PKD2L1: variants seen among roughly 807,000 people sequenced by gnomAD.
The protein encoded by PKD2L1 is polycystin-2-like protein 1.
In PKD2L1, 77 loss-of-function variants were observed where a neutral mutation model predicts 93.0. That is an observed-to-expected ratio of 0.83 (90% confidence interval 0.69 to 1.00). The LOEUF (loss-of-function observed/expected upper bound fraction) is 1.00. PKD2L1 is among the 50% of genes least tolerant of loss of function. PKD2L1 has a pLI of 0.00. For synonymous variants in PKD2L1, 390 were observed against 388.0 expected (o/e 1.01, Z -0.06); for missense variants, 977 against 990.9 (o/e 0.99, Z 0.19).
At chr10:100,320,717 C>A (rs1427899143) in intron 2 of PKD2L1, among the ~76,000 whole-genome samples, 1 of 152,180 alleles carries the variant, frequency 6.6e-6, no homozygotes, top group Non-Finnish European at 1.5e-5. Flanking sequence ...GTGAGTTGTA[C>A]CATCTTATAC....
intron 13 of PKD2L1, 116 bp downstream of exon 13, chr10:100,290,285 C>G: frequency 7.9e-7 from 1 of 1,261,744 alleles, no homozygotes; most frequent in Middle Eastern, 1.9e-4. Context: ...TAAAGGGGAG[C>G]GGAGGTTCTC....
chr10:100,302,124 T>C (rs1036790852), intron 2 of PKD2L1, among the ~76,000 whole-genome samples: 3 of 152,184 alleles, frequency 2.0e-5, no homozygotes, highest in African/African-American at 7.2e-5. Flanking sequence ...CATGAGCCAC[T>C]GCACCGGCCT....
At chr10:100,302,824 G>A (rs905944817) in intron 2 of PKD2L1, among the ~76,000 whole-genome samples, 9 of 152,168 alleles carry the variant, frequency 5.9e-5, no homozygotes, top group Admixed American at 1.3e-4. Flanking sequence ...TTGCTATAAA[G>A]GCTGTCAGTG....
Position 100,297,496 on chromosome 10 carries a change from C to T in PKD2L1, c.842G>A (p.Ser281Asn). Residue 281 changes from serine to asparagine, a missense_variant, in exon 5 of 16, where the codon AGT becomes AAT. Physicochemically the swap from Ser to Asn is conservative, Grantham distance 46. Coordinates refer to ENST00000318222, the MANE Select transcript of PKD2L1 (RefSeq NM_016112.3). ...YLDLPGSRQG[S>N]AEALRALQEG... ...CTGAAGGGCCCGGAGAGCCTCTGCACTACCCTGTCGGGATCCTGGAAGGTC... is the reference window on the plus strand; with the variant it reads ...CTGAAGGGCCCGGAGAGCCTCTGCATTACCCTGTCGGGATCCTGGAAGGTC... The T allele has an allele frequency of 6.2e-7, 1 of 1,614,206 alleles. No individual in the cohort carries two copies. The highest frequency in any genetic ancestry group is 8.5e-7 in the Non-Finnish European group (1 of 1,180,030).
At chr10:100,321,980 C>T (rs960228840) in intron 2 of PKD2L1, among the ~76,000 whole-genome samples, 5 of 151,106 alleles carry the variant, frequency 3.3e-5, no homozygotes, top group Admixed American at 6.6e-5. Flanking sequence ...CAGTGGCTCA[C>T]GCCTGTAATC....
At chr10:100,315,028 A>G (rs1849060317) in intron 2 of PKD2L1, among the ~76,000 whole-genome samples, 2 of 10,790 alleles carry the variant, frequency 1.9e-4, no homozygotes, top group African/African-American at 1.3e-3. Context: ...AGGGAAGGGA[A>G]GGGAAGGGAA....
intron 2 of PKD2L1, among the ~76,000 whole-genome samples, chr10:100,316,022 G>T (rs991910608): frequency 2.0e-5 from 3 of 152,170 alleles, no homozygotes; most frequent in African/African-American, 7.2e-5. Context: ...GGACCTTCAA[G>T]ATTTCCCAGC....
chr10:100,326,341 G>T (rs1443951975), intron 2 of PKD2L1, among the ~76,000 whole-genome samples: 1 of 152,132 alleles, frequency 6.6e-6, no homozygotes, highest in Admixed American at 6.5e-5. Flanking sequence ...CTCTGCTCCA[G>T]CCACGTTGAT....
At position 100,330,211 on chromosome 10, in the gene PKD2L1, G is replaced by T; in HGVS notation, c.-108C>A. ...GCCAGCAGAGAGCAAATGGAAAGGC[G>T]TCTGAGAGCAGCTGTTTCCACACAG... On this transcript the variant is annotated 5_prime_UTR_variant, in exon 1 of 16. Transcript: ENST00000318222. 3.1e-6 allele frequency: 2 copies of T among 646,138 alleles called. No homozygotes were observed. The highest frequency in any genetic ancestry group is 2.6e-6 in the Non-Finnish European group (1 of 380,698). The allele number at this position is 646,138 out of a possible 1,614,324, so 40.0% of individuals were successfully genotyped here.
intron 2 of PKD2L1, among the ~76,000 whole-genome samples, chr10:100,322,182 C>T (rs370420396): frequency 1.2e-3 from 179 of 152,072 alleles, no homozygotes; most frequent in African/African-American, 3.6e-3. Context: ...GTTACACCAC[C>T]GCATAACAGC....
In PKD2L1 at chr10:100,303,191, G is replaced by GTTTTTTT. The variant is rs146131470; in HGVS notation, c.350-3480_350-3474dup. ...TTTAAGTCCATAATTACATCAAACT[G>GTTTTTTT]TTTTTTTGTTTTTTTTTTTGAGACG... On this transcript the variant is annotated intron_variant, in intron 2 of 15. Transcript: ENST00000318222. Among the ~76,000 whole-genome samples the GTTTTTTT allele has an allele frequency of 3.6e-4, 47 of 128,986 alleles. 8 individuals carry two copies. Among genetic ancestry groups the GTTTTTTT allele is most frequent in the Non-Finnish European group, 4.1e-4 (26 of 62,718 alleles). 84.6% of individuals were successfully genotyped at this position (128,986 alleles called of 152,430 possible).
intron 9 of PKD2L1, among the ~76,000 whole-genome samples, chr10:100,293,660 G>A (rs1848456917): frequency 1.3e-5 from 2 of 152,094 alleles, no homozygotes; most frequent in Admixed American, 6.6e-5. Flanking sequence ...ATATGCCACA[G>A]ACCTCCTTTG....
chr10:100,313,536 T>C (rs1381725972), intron 2 of PKD2L1, among the ~76,000 whole-genome samples: 1 of 152,228 alleles, frequency 6.6e-6, no homozygotes, highest in Non-Finnish European at 1.5e-5. Context: ...TACCTGTAAT[T>C]GTGCAGTATA....
chr10:100,294,965 G>A lies in PKD2L1; in HGVS notation c.1515C>T (p.Asn505=), dbSNP rs377469066. ...ACATGCACTTGATGAAAGTGCTAAA[G>A]TTTTCCACTTGGGTCCCGAAAAGCA... ...GYLLFGTQVE[N]FSTFIKCIFT... The change falls in exon 8 of 16, where the codon AAC becomes AAT. Residue 505 remains asparagine, a synonymous_variant. Transcript: ENST00000318222. 10 of 1,613,924 alleles carry A rather than the reference G, an allele frequency of 6.2e-6. No homozygotes were observed. Among genetic ancestry groups the A allele is most frequent in the Admixed American group, 1.7e-5 (1 of 59,970 alleles).
At chr10:100,305,495 A>G (rs1308339410) in intron 2 of PKD2L1, among the ~76,000 whole-genome samples, 1 of 152,206 alleles carries the variant, frequency 6.6e-6, no homozygotes, top group African/African-American at 2.4e-5. Flanking sequence ...ATAGTCAAGG[A>G]CAACTTATAT....
intron 2 of PKD2L1, among the ~76,000 whole-genome samples, chr10:100,302,841 T>C (rs960070890): frequency 6.6e-6 from 1 of 152,230 alleles, no homozygotes; most frequent in Non-Finnish European, 1.5e-5. Context: ...AGTGGTATAA[T>C]TGGTGAAATT....
At chr10:100,315,808 C>G (rs1478506012) in intron 2 of PKD2L1, among the ~76,000 whole-genome samples, 4 of 152,196 alleles carry the variant, frequency 2.6e-5, no homozygotes, top group Admixed American at 2.0e-4. Context: ...TTGGCTGGCG[C>G]TACCTCCTCC....
intron 2 of PKD2L1, among the ~76,000 whole-genome samples, chr10:100,324,225 TC>T (rs1334940462): frequency 6.6e-6 from 1 of 152,224 alleles, no homozygotes; most frequent in Non-Finnish European, 1.5e-5. Flanking sequence ...AAGTACAGCC[TC>T]CCCTGCTATC....
At chr10:100,324,674 T>A (rs1849337838) in intron 2 of PKD2L1, among the ~76,000 whole-genome samples, 1 of 152,216 alleles carries the variant, frequency 6.6e-6, no homozygotes. Context: ...ATGCATGTTA[T>A]CTCCAGAAGA....
Sources: allele counts gnomAD v4.1 joint callset (sites outside exome capture counted in the v4.1 genomes callset), GRCh38; gene constraint gnomAD v4.1.1; transcripts MANE v1.5; gene names NCBI Gene and HGNC (gene_info 2026-07-23, HGNC 2026-07-21).